Variants in DAAM1 observed in about 807,000 individuals in gnomAD.
The protein encoded by DAAM1 is disheveled-associated activator of morphogenesis 1.
DAAM1 carries 52 observed loss-of-function variants against 130.0 expected under a neutral mutation model. The observed-to-expected ratio is 0.40, with a 90% CI of 0.32 to 0.50. The LOEUF (loss-of-function observed/expected upper bound fraction) is 0.50, where lower values mean the gene tolerates loss of function less well. Ranked by LOEUF, DAAM1 falls within the 20% of genes least tolerant of loss-of-function variation. The probability of loss-of-function intolerance (pLI) is 0.61; values close to 1 mark genes in which losing one functional copy is unlikely to be tolerated. For synonymous variants in DAAM1, 452 were observed against 444.5 expected (o/e 1.02, Z -0.21); for missense variants, 1,134 against 1,303.8 (o/e 0.87, Z 2.01).
intron 1 of DAAM1, among the ~76,000 whole-genome samples, chr14:59,257,802 A>G (rs925713204): frequency 6.6e-6 from 1 of 152,042 alleles, no homozygotes; most frequent in African/African-American, 2.4e-5. Flanking sequence ...GGTCTTCCCT[A>G]GTGACTCAAA....
At chr14:59,271,925 G>A (rs557679347) in intron 2 of DAAM1, among the ~76,000 whole-genome samples, 1 of 151,922 alleles carries the variant, frequency 6.6e-6, no homozygotes, top group African/African-American at 2.4e-5. Flanking sequence ...CAAGAAAGAT[G>A]AAAAAATTGC....
At chr14:59,361,972 G>GTCTAA (rs981224436) in intron 22 of DAAM1, among the ~76,000 whole-genome samples, 1 of 144,558 alleles carries the variant, frequency 6.9e-6, no homozygotes, top group Non-Finnish European at 1.5e-5. Context: ...AAGTCACAAT[G>GTCTAA]TCTAATTTTT....
intron 3 of DAAM1, among the ~76,000 whole-genome samples, chr14:59,310,815 C>G (rs1566696993): frequency 1.3e-5 from 2 of 152,164 alleles, no homozygotes; most frequent in South Asian, 2.1e-4. Flanking sequence ...TAACAGCACA[C>G]ATAGAGATTT....
chr14:59,279,576 AG>A (rs1401950366), intron 2 of DAAM1, among the ~76,000 whole-genome samples: 2 of 152,186 alleles, frequency 1.3e-5, no homozygotes, highest in East Asian at 3.8e-4. Flanking sequence ...TGTGTTATCC[AG>A]AAGTAGGGTC....
At chr14:59,217,436 G>A (rs1221599250) in intron 1 of DAAM1, among the ~76,000 whole-genome samples, 2 of 152,176 alleles carry the variant, frequency 1.3e-5, no homozygotes, top group African/African-American at 2.4e-5. Flanking sequence ...TCAGTGTGGT[G>A]TAACCAGAGT....
chr14:59,217,674 A>C (rs980375259), intron 1 of DAAM1, among the ~76,000 whole-genome samples: 10 of 152,020 alleles, frequency 6.6e-5, no homozygotes, highest in South Asian at 2.1e-4. Context: ...CTGTCGCTAC[A>C]AAAAAGTACA....
chr14:59,318,639 C>G (rs982822341), intron 4 of DAAM1, among the ~76,000 whole-genome samples: 1 of 152,008 alleles, frequency 6.6e-6, no homozygotes, highest in Non-Finnish European at 1.5e-5. Context: ...TTTAGAACAT[C>G]AAGTTCAGCT....
At chr14:59,287,463 G>T (rs79099225) in intron 2 of DAAM1, among the ~76,000 whole-genome samples, 2,832 of 152,180 alleles carry the variant, frequency 0.019, 87 homozygotes, top group African/African-American at 0.065. Flanking sequence ...GAAATAAAAG[G>T]CTTCAAAATA....
chr14:59,298,628 C>G (rs1884048781), intron 3 of DAAM1, among the ~76,000 whole-genome samples: 1 of 152,178 alleles, frequency 6.6e-6, no homozygotes, highest in Admixed American at 6.5e-5. Flanking sequence ...AAAATGAACA[C>G]CAAATTTTAG....
intron 20 of DAAM1, 189 bp from the exon 21 acceptor site, chr14:59,359,208 C>A (rs1448696382): frequency 4.1e-6 from 2 of 493,420 alleles, no homozygotes; most frequent in Non-Finnish European, 7.3e-6. Context: ...TCCCATTATT[C>A]CTGTCTCTTG....
intron 1 of DAAM1, among the ~76,000 whole-genome samples, chr14:59,248,211 C>A (rs1376119260): frequency 6.6e-6 from 1 of 152,198 alleles, no homozygotes; most frequent in East Asian, 1.9e-4. Flanking sequence ...TTAGTGTTCA[C>A]ACCTAATTAT....
At chr14:59,347,672 C>CA (rs781074114) in intron 17 of DAAM1, 49 bp downstream of exon 17, 4 of 1,563,304 alleles carry the variant, frequency 2.6e-6, no homozygotes, top group African/African-American at 1.4e-5. Flanking sequence ...CGACCATCAA[C>CA]AGGGAGAGGG....
intron 23 of DAAM1, among the ~76,000 whole-genome samples, chr14:59,366,805 T>C (rs1025603315): frequency 2.0e-5 from 3 of 152,162 alleles, no homozygotes; most frequent in African/African-American, 7.2e-5. Context: ...TCCCAGCTAC[T>C]CGTGAGGCTT....
At chr14:59,331,187 T>C (rs1885416819) in intron 13 of DAAM1, 22 bp from the exon 14 acceptor site, 1 of 1,609,370 alleles carries the variant, frequency 6.2e-7, no homozygotes, top group Non-Finnish European at 8.5e-7. Flanking sequence ...TGATCTTTCT[T>C]TTCCTATTTT....
chr14:59,371,166 T>C lies in DAAM1; in HGVS notation c.*2307T>C, dbSNP rs1205824578. The C allele has an allele frequency of 6.6e-6, 1 of 151,980 alleles. No homozygotes were observed. Among genetic ancestry groups the C allele is most frequent in the Non-Finnish European group, 1.5e-5 (1 of 67,964 alleles). 9.4% of individuals were successfully genotyped at this position (151,980 alleles called of 1,614,324 possible). On this transcript the variant is annotated 3_prime_UTR_variant, in exon 25 of 25. Transcript: ENST00000360909. The stretch of plus-strand genomic sequence containing the variant: ...GGTGTAAGTAGCCACTTTTCTCTCT[T>C]GGGTGTGTATTTTAAACTTTTTTTG...
Position 59,369,869 on chromosome 14 carries a change from A to G in DAAM1, c.*1010A>G, listed in dbSNP as rs895994599. 6.6e-6 allele frequency: 1 copy of G among 151,812 alleles called. No individual in the cohort carries two copies. Among genetic ancestry groups the G allele is most frequent in the Non-Finnish European group, 1.5e-5 (1 of 67,912 alleles). 9.4% of individuals were successfully genotyped at this position (151,812 alleles called of 1,614,324 possible). ...AATATAGGTCTGGACTAAAGGATAC[A>G]TAAAGAATGCACAAAATGTCAACAT... On this transcript the variant is annotated 3_prime_UTR_variant, in exon 25 of 25. Coordinates refer to ENST00000360909, the MANE Select transcript of DAAM1 (RefSeq NM_001270520.2).
chr14:59,292,659 C>T (rs547264047), intron 3 of DAAM1, among the ~76,000 whole-genome samples: 42 of 152,260 alleles, frequency 2.8e-4, no homozygotes, highest in African/African-American at 1.0e-3. Flanking sequence ...ATTAATTTTC[C>T]AGCTGGGCAA....
intron 1 of DAAM1, among the ~76,000 whole-genome samples, chr14:59,258,073 T>C (rs1344610192): frequency 6.6e-6 from 1 of 152,236 alleles, no homozygotes; most frequent in Non-Finnish European, 1.5e-5. Context: ...TTCTTGATTT[T>C]TTTCCTGCCT....
At chr14:59,293,594 A>G (rs916775566) in intron 3 of DAAM1, among the ~76,000 whole-genome samples, 2 of 152,176 alleles carry the variant, frequency 1.3e-5, no homozygotes, top group Non-Finnish European at 2.9e-5. Context: ...GCTTCCTTAT[A>G]TGACTTAGCA....
Sources: gnomAD v4.1 joint callset for allele counts (sites outside exome capture counted in the v4.1 genomes callset) on GRCh38, gnomAD v4.1.1 for gene constraint, MANE v1.5 for transcripts, NCBI Gene and HGNC (gene_info 2026-07-23, HGNC 2026-07-21) for gene names.